The following CRB1 variants were observed in gnomAD, a reference collection of about 807,000 sequenced individuals.
CRB1 encodes the protein crumbs cell polarity complex component 1.
Under a neutral mutation model 120.0 loss-of-function variants are expected in CRB1, and 83 were observed. The ratio of observed to expected loss-of-function variants is 0.69; its 90% CI spans 0.58 to 0.83. The LOEUF is 0.83. CRB1 is among the 40% of genes least tolerant of loss of function. The pLI is 0.00. For synonymous variants in CRB1, 625 were observed against 612.5 expected (o/e 1.02, Z -0.30); for missense variants, 1,699 against 1,687.6 (o/e 1.01, Z -0.12).
chr1:197,452,213 G>A (rs569324934), intron 11 of CRB1, among the ~76,000 whole-genome samples: 5 of 152,222 alleles, frequency 3.3e-5, no homozygotes, highest in African/African-American at 1.2e-4. Context: ...CTAAGACGAC[G>A]AAGGAAATTC....
chr1:197,399,346 T>G (rs1349126890), intron 5 of CRB1, among the ~76,000 whole-genome samples: 1 of 152,150 alleles, frequency 6.6e-6, no homozygotes, highest in African/African-American at 2.4e-5. Context: ...AACATGAGTG[T>G]TTTTTACAGT....
intron 1 of CRB1, among the ~76,000 whole-genome samples, chr1:197,269,268 C>T (rs567275794): frequency 4.6e-5 from 7 of 152,254 alleles, no homozygotes; most frequent in East Asian, 1.9e-4. Context: ...TAAGGCAAAG[C>T]GTAGAGCAGC....
chr1:197,439,145 A>G (rs1412746049), intron 10 of CRB1: 11 of 167,482 alleles, frequency 6.6e-5, no homozygotes, highest in Admixed American at 6.2e-4. Context: ...GAATTCTTAA[A>G]ATGGAGTTGG....
At chr1:197,457,059 C>T (rs745360981) in intron 11 of CRB1, among the ~76,000 whole-genome samples, 17 of 152,092 alleles carry the variant, frequency 1.1e-4, no homozygotes, top group Non-Finnish European at 1.6e-4. Context: ...CATTGTTCTT[C>T]GACCCTAAAA....
chr1:197,418,000 C>A (rs1263297553), intron 5 of CRB1, among the ~76,000 whole-genome samples: 1 of 151,602 alleles, frequency 6.6e-6, no homozygotes, highest in African/African-American at 2.4e-5. Flanking sequence ...GAGATCGTGA[C>A]ACTACTATCT....
At chr1:197,398,745 A>C (rs771724127) in intron 5 of CRB1, among the ~76,000 whole-genome samples, 5 of 152,118 alleles carry the variant, frequency 3.3e-5, no homozygotes, top group Non-Finnish European at 5.9e-5. Context: ...TCCTATCAGG[A>C]AGATATTTAA....
At position 197,292,849 on chromosome 1, in the gene CRB1, A is replaced by C. The variant is rs141489924; in HGVS notation, c.70+24367A>C. 5.8e-3 allele frequency among the ~76,000 whole-genome samples: 882 copies of C among 152,268 alleles called. 11 individuals are homozygous for C. The highest frequency in any genetic ancestry group is 0.02 in the African/African-American group (847 of 41,544). On this transcript the variant is annotated intron_variant, in intron 1 of 11. Coordinates refer to ENST00000367400, the MANE Select transcript of CRB1 (RefSeq NM_201253.3). Reference sequence around the variant, plus strand: ...AATAGATACAGAAAAGGCCTTTGACAAAATTCAACAGCACTTCATGCTAAA... The same window carrying C: ...AATAGATACAGAAAAGGCCTTTGACCAAATTCAACAGCACTTCATGCTAAA...
intron 1 of CRB1, among the ~76,000 whole-genome samples, chr1:197,301,357 G>A (rs1019600790): frequency 1.3e-5 from 2 of 151,904 alleles, no homozygotes; most frequent in Non-Finnish European, 2.9e-5. Context: ...GTAGAGACGG[G>A]GTTTCACCAT....
intron 1 of CRB1, among the ~76,000 whole-genome samples, chr1:197,311,749 A>T (rs1657541309): frequency 7.2e-6 from 1 of 138,944 alleles, no homozygotes; most frequent in South Asian, 2.2e-4. Flanking sequence ...GTGTGTGTTG[A>T]GAAGATTTAA....
At chr1:197,247,998 T>C in the CRB1 span, among the ~76,000 whole-genome samples, 1 of 152,064 alleles carries the variant, frequency 6.6e-6, no homozygotes, top group Non-Finnish European at 1.5e-5. Flanking sequence ...TAAACTCTTG[T>C]AAATGTTTCC....
At chr1:197,249,309 C>T in the CRB1 span, among the ~76,000 whole-genome samples, 1 of 151,628 alleles carries the variant, frequency 6.6e-6, no homozygotes, top group Non-Finnish European at 1.5e-5. Flanking sequence ...TTTTCCTAAA[C>T]TTGTATAACT....
At chr1:197,470,384 T>C (rs1246862538) in intron 11 of CRB1, among the ~76,000 whole-genome samples, 3 of 152,182 alleles carry the variant, frequency 2.0e-5, no homozygotes, top group Non-Finnish European at 2.9e-5. Flanking sequence ...ACCTACCTAG[T>C]TGAGTTATTA....
intron 1 of CRB1, among the ~76,000 whole-genome samples, chr1:197,303,149 T>C (rs1656968862): frequency 1.3e-5 from 2 of 151,682 alleles, no homozygotes; most frequent in African/African-American, 4.8e-5. Context: ...ATTATTATTA[T>C]ACTTTAAGTT....
chr1:197,451,431 C>T (rs1665968971), intron 11 of CRB1, among the ~76,000 whole-genome samples: 2 of 152,160 alleles, frequency 1.3e-5, no homozygotes, highest in African/African-American at 4.8e-5. Context: ...AATGATTCAT[C>T]TAGATTTTTC....
chr1:197,451,543 G>A (rs931157043), intron 11 of CRB1, among the ~76,000 whole-genome samples: 1 of 152,204 alleles, frequency 6.6e-6, no homozygotes, highest in African/African-American at 2.4e-5. Context: ...TTATTATGCT[G>A]CTTTCTCTGA....
intron 11 of CRB1, among the ~76,000 whole-genome samples, chr1:197,452,498 T>C (rs1412461098): frequency 1.3e-5 from 2 of 152,040 alleles, no homozygotes; most frequent in Non-Finnish European, 2.9e-5. Context: ...GATGGAAAAA[T>C]GAAAGCATGT....
chr1:197,400,254 T>C (rs1367243368), intron 5 of CRB1, among the ~76,000 whole-genome samples: 1 of 151,898 alleles, frequency 6.6e-6, no homozygotes, highest in African/African-American at 2.4e-5. Flanking sequence ...TGGTGCATCC[T>C]TCACAGCATT....
intron 5 of CRB1, among the ~76,000 whole-genome samples, chr1:197,419,657 A>G (rs1664184671): frequency 6.6e-6 from 1 of 151,722 alleles, no homozygotes; most frequent in Admixed American, 6.6e-5. Flanking sequence ...GCTACCGAGC[A>G]TGGCCAGGTT....
intron 1 of CRB1, among the ~76,000 whole-genome samples, chr1:197,302,005 AG>A (rs1656892433): frequency 6.6e-6 from 1 of 152,234 alleles, no homozygotes; most frequent in South Asian, 2.1e-4. Flanking sequence ...ATGAGGTTTG[AG>A]AGGATTGACT....
Sources: gnomAD v4.1 joint callset for allele counts (sites outside exome capture counted in the v4.1 genomes callset) on GRCh38, gnomAD v4.1.1 for gene constraint, MANE v1.5 for transcripts, NCBI Gene and HGNC (gene_info 2026-07-23, HGNC 2026-07-21) for gene names.